Variants in PTPRT observed in about 807,000 individuals in gnomAD.
PTPRT encodes the protein protein tyrosine phosphatase receptor type T, also known as receptor-type tyrosine-protein phosphatase T.
In PTPRT, 56 loss-of-function variants were observed where a neutral mutation model predicts 176.8. The observed-to-expected ratio is 0.32, with a 90% CI of 0.26 to 0.40. The LOEUF (loss-of-function observed/expected upper bound fraction) is 0.40, where lower values mean the gene tolerates loss of function less well. Ranked by LOEUF, PTPRT falls within the 10% of genes least tolerant of loss-of-function variation. The pLI is 1.00. For missense variants in PTPRT, 1,540 were observed against 1,908.2 expected (o/e 0.81, Z 3.60); for synonymous variants, 783 against 739.0 (o/e 1.06, Z -0.96).
rs778575318 is a variant in PTPRT at position 42,236,250 on chromosome 20, G to A, written c.2321C>T (p.Ala774Val). The change falls in exon 15 of 31, where the codon GCT (alanine) becomes GTT (valine). Residue 774 changes from alanine to valine, a missense_variant. Around this residue, in one of 11 missense-constraint regions of PTPRT, gnomAD observed 255 missense variants for 250.1 expected, o/e 1.02. Transcript: ENST00000373187. ...VMLTIKRRRNAYSYSYYLKLA... is the reference protein window; with the variant it reads ...VMLTIKRRRNVYSYSYYLKLA... ...TTACAAGTAATAGGAGTAGGAATAA[G>A]CATTTCTTCTATATATTGATGGGCA... The A allele has an allele frequency of 2.8e-5, 45 of 1,603,028 alleles. No homozygotes were observed. Among genetic ancestry groups the A allele is most frequent in the Non-Finnish European group, 3.8e-5 (45 of 1,170,812 alleles).
At chr20:42,896,898 G>T (rs760910529) in intron 1 of PTPRT, among the ~76,000 whole-genome samples, 2 of 152,186 alleles carry the variant, frequency 1.3e-5, no homozygotes, top group East Asian at 3.9e-4. Context: ...GTGGGTAGCT[G>T]ATTCTTGCCC....
At chr20:42,728,987 A>G (rs1261461966) in intron 6 of PTPRT, among the ~76,000 whole-genome samples, 2 of 152,176 alleles carry the variant, frequency 1.3e-5, no homozygotes, top group Non-Finnish European at 2.9e-5. Context: ...TGACAAGTAG[A>G]TTGACCTTCT....
intron 1 of PTPRT, among the ~76,000 whole-genome samples, chr20:43,130,305 T>C (rs1180552547): frequency 2.0e-5 from 3 of 152,130 alleles, no homozygotes; most frequent in Admixed American, 2.0e-4. Flanking sequence ...TAGAAAACAC[T>C]GGAACATATT....
chr20:42,588,017 A>G (rs1453351818), intron 7 of PTPRT, among the ~76,000 whole-genome samples: 1 of 152,182 alleles, frequency 6.6e-6, no homozygotes, highest in African/African-American at 2.4e-5. Flanking sequence ...CACAGTAGAT[A>G]GAGTTCATCC....
At chr20:42,959,516 T>C (rs1277778522) in intron 1 of PTPRT, among the ~76,000 whole-genome samples, 2 of 152,200 alleles carry the variant, frequency 1.3e-5, no homozygotes, top group Admixed American at 1.3e-4. Context: ...GGTATTGCTA[T>C]TATCCCCATT....
Position 43,189,580 on chromosome 20 carries a change from G to T in PTPRT, c.88+66C>A. 9.2e-7 allele frequency: 1 copy of T among 1,087,588 alleles called. No homozygotes were observed. Among genetic ancestry groups the T allele is most frequent in the Non-Finnish European group, 1.2e-6 (1 of 865,480 alleles). The allele number at this position is 1,087,588 out of a possible 1,614,324, so 67.4% of individuals were successfully genotyped here. A position where few individuals can be genotyped will look rare whatever the true frequency, so the allele number is the denominator to read the frequency against. The stretch of plus-strand genomic sequence containing the variant: ...CAACTTTCTCCTCCGAGGGCCCCGC[G>T]GCTGGGGGCCCGCGCGCATCCAGGA... On this transcript the variant is annotated intron_variant, in intron 1 of 30. Coordinates refer to ENST00000373187, the MANE Select transcript of PTPRT (RefSeq NM_007050.6). This position sits in a 1 kb window ranked among gnomAD's most constrained non-coding sequence, Gnocchi z 5.0.
At chr20:42,863,512 T>C (rs1246933020) in intron 2 of PTPRT, among the ~76,000 whole-genome samples, 1 of 152,238 alleles carries the variant, frequency 6.6e-6, no homozygotes, top group East Asian at 1.9e-4. Flanking sequence ...GCCATAGTGA[T>C]GTTCAGACTT....
intron 1 of PTPRT, among the ~76,000 whole-genome samples, chr20:43,092,323 T>C (rs1262439545): frequency 6.6e-6 from 1 of 152,230 alleles, no homozygotes; most frequent in Non-Finnish European, 1.5e-5. Context: ...GGCTGCCCCA[T>C]GGGTCTGGCA....
chr20:42,198,001 T>C (rs550282468), intron 16 of PTPRT, among the ~76,000 whole-genome samples: 1 of 152,266 alleles, frequency 6.6e-6, no homozygotes, highest in South Asian at 2.1e-4. Context: ...AAAATCCATA[T>C]CCCTCAGTTG....
intron 1 of PTPRT, among the ~76,000 whole-genome samples, chr20:43,117,660 A>T (rs1194248305): frequency 6.6e-6 from 1 of 152,134 alleles, no homozygotes; most frequent in African/African-American, 2.4e-5. Flanking sequence ...GCCCAGAATC[A>T]ACTTCAGAAA....
At chr20:42,735,376 A>G (rs535738875) in intron 6 of PTPRT, among the ~76,000 whole-genome samples, 19 of 152,238 alleles carry the variant, frequency 1.2e-4, no homozygotes, top group African/African-American at 4.3e-4. Context: ...ATCCCACGGA[A>G]AACTGAGTTC....
chr20:42,530,225 T>A (rs1435073226), intron 7 of PTPRT, among the ~76,000 whole-genome samples: 1 of 152,200 alleles, frequency 6.6e-6, no homozygotes, highest in Non-Finnish European at 1.5e-5. Flanking sequence ...GAGGCATATC[T>A]CTGAAAGGAG....
chr20:42,972,702 A>AAAAAAAG (rs1982725750), intron 1 of PTPRT, among the ~76,000 whole-genome samples: 2 of 148,250 alleles, frequency 1.3e-5, no homozygotes, highest in African/African-American at 5.1e-5. Context: ...AAAAAAAGGA[A>AAAAAAAG]GAAGAAGAAT....
chr20:42,373,658 C>T (rs1019607198), intron 9 of PTPRT, among the ~76,000 whole-genome samples: 3 of 152,206 alleles, frequency 2.0e-5, no homozygotes, highest in Non-Finnish European at 2.9e-5. Context: ...GCGTCTCATT[C>T]GCAATGACTT....
intron 13 of PTPRT, among the ~76,000 whole-genome samples, chr20:42,250,474 C>CT (rs1001836198): frequency 5.3e-5 from 8 of 152,148 alleles, no homozygotes; most frequent in African/African-American, 1.9e-4. Flanking sequence ...TGTTTAAGCC[C>CT]TCCAGCACAT....
chr20:42,067,820 T>A (rs1982133689), downstream of PTPRT, among the ~76,000 whole-genome samples: 1 of 152,202 alleles, frequency 6.6e-6, no homozygotes, highest in African/African-American at 2.4e-5. Context: ...AACAGCTGGA[T>A]GATAGGCTAT....
chr20:42,855,901 T>G (rs1477464100), intron 2 of PTPRT, among the ~76,000 whole-genome samples: 2 of 152,096 alleles, frequency 1.3e-5, no homozygotes, highest in African/African-American at 2.4e-5. Context: ...CTTCCCTAAA[T>G]CCCTTCCCAG....
chr20:42,668,610 C>T (rs985321035), intron 7 of PTPRT, among the ~76,000 whole-genome samples: 7 of 151,926 alleles, frequency 4.6e-5, no homozygotes, highest in East Asian at 1.9e-4. Flanking sequence ...AGACATCGTG[C>T]GACAGTGGGA....
rs754001267 is a variant in PTPRT at position 42,315,723 on chromosome 20, T to A, written c.2139A>T (p.Gly713=). ...ATGGCCTCCATGTGGCCATACTTAC[T>A]CCATTGGCTTTGCTGAGTGCCTGGA... The part of the protein sequence containing the change: ...IYFQALSKAN[G]ETKINCVRLA... Residue 713 remains glycine (G), a splice_region_variant and synonymous_variant, in exon 12 of 31, where the codon GGA becomes GGT. Transcript: ENST00000373187. The A allele has an allele frequency of 1.9e-6, 3 of 1,613,612 alleles. No individual in the cohort carries two copies. In the South Asian group the frequency reaches 3.3e-5, roughly 18 times the overall value.
Sources: gnomAD v4.1 joint callset for allele counts (sites outside exome capture counted in the v4.1 genomes callset) on GRCh38, gnomAD v4.1.1 for gene constraint, gnomAD v4.1.1 regional missense constraint, Gnocchi (gnomAD v3.1) non-coding constraint, MANE v1.5 for transcripts, NCBI Gene and HGNC (gene_info 2026-07-23, HGNC 2026-07-21) for gene names.